Variants in LPP observed in about 807,000 individuals in gnomAD.
LPP encodes the protein lipoma-preferred partner.
LPP carries 38 observed loss-of-function variants against 60.4 expected under a neutral mutation model. The observed-to-expected ratio is 0.63, with a 90% CI of 0.49 to 0.83. The LOEUF is 0.83. LPP is among the 40% of genes least tolerant of loss of function. The pLI is 0.00. For synonymous variants in LPP, 328 were observed against 290.8 expected (o/e 1.13, Z -1.30); for missense variants, 902 against 783.6 (o/e 1.15, Z -1.80).
intron 6 of LPP, among the ~76,000 whole-genome samples, chr3:188,527,282 G>A (rs1201763744): frequency 6.6e-5 from 10 of 150,968 alleles, no homozygotes; most frequent in East Asian, 3.9e-4. Context: ...CCCGGGAGGC[G>A]GAGGTTTCAG....
intron 2 of LPP, among the ~76,000 whole-genome samples, chr3:188,303,082 A>G (rs1383755478): frequency 6.6e-6 from 1 of 152,208 alleles, no homozygotes; most frequent in African/African-American, 2.4e-5. Context: ...GGAAAAATAT[A>G]CTAGAACAAG....
intron 6 of LPP, among the ~76,000 whole-genome samples, chr3:188,545,430 G>A (rs976122998): frequency 6.6e-6 from 1 of 151,884 alleles, no homozygotes; most frequent in Non-Finnish European, 1.5e-5. Flanking sequence ...ATCTCCATCT[G>A]TATCTGTATC....
At chr3:188,683,612 C>A (rs551325794) in intron 7 of LPP, among the ~76,000 whole-genome samples, 14 of 152,040 alleles carry the variant, frequency 9.2e-5, no homozygotes, top group African/African-American at 2.7e-4. Flanking sequence ...GACTGTATAC[C>A]CTGATTATTT....
At chr3:188,755,540 A>G (rs1051468906) in intron 8 of LPP, among the ~76,000 whole-genome samples, 39 of 152,184 alleles carry the variant, frequency 2.6e-4, no homozygotes, top group African/African-American at 9.4e-4. Flanking sequence ...GCAGTGGTTC[A>G]TGACTATAAT....
intron 1 of LPP, among the ~76,000 whole-genome samples, chr3:188,164,182 T>A (rs1278081115): frequency 6.6e-6 from 1 of 152,112 alleles, no homozygotes; most frequent in South Asian, 2.1e-4. Context: ...CAGTTAGACA[T>A]TGAAGGATGG....
intron 6 of LPP, among the ~76,000 whole-genome samples, chr3:188,590,311 G>T (rs1265790136): frequency 6.6e-6 from 1 of 152,124 alleles, no homozygotes; most frequent in African/African-American, 2.4e-5. Flanking sequence ...TGTGGCTCAT[G>T]CCTGTAATCC....
Position 188,884,649 on chromosome 3 carries a change from A to G in LPP, c.*10170A>G, listed in dbSNP as rs1018641506. ...TGGAACTGTCAGGTTCAGAATATCAACCAAGACCATATCATTTAGAATTCA... is the reference window on the plus strand; with the variant it reads ...TGGAACTGTCAGGTTCAGAATATCAGCCAAGACCATATCATTTAGAATTCA... On this transcript the variant is annotated 3_prime_UTR_variant, in exon 12 of 12. Transcript: ENST00000617246. The G allele has an allele frequency of 4.3e-6, 1 of 229,990 alleles. No homozygotes were observed. Among genetic ancestry groups the G allele is most frequent in the Non-Finnish European group, 8.6e-6 (1 of 116,018 alleles). The allele number at this position is 229,990 out of a possible 1,614,324, so 14.2% of individuals were successfully genotyped here.
At position 188,592,303 on chromosome 3, in the gene LPP, G is replaced by A. The variant is rs1049925272; in HGVS notation, c.430-16858G>A. ...AATAAGATACAAAGCCACACATAAA[G>A]AGGGTTCACATTTAAGCACCATCAC... On this transcript the variant is annotated intron_variant, in intron 6 of 11. Transcript: ENST00000617246. Among the ~76,000 whole-genome samples the A allele has an allele frequency of 6.6e-5, 10 of 151,724 alleles. No homozygotes were observed. The East Asian group carries it at 1.9e-3, about 29-fold the overall frequency.
intron 4 of LPP, among the ~76,000 whole-genome samples, chr3:188,411,795 T>G (rs1784945962): frequency 6.6e-6 from 1 of 152,206 alleles, no homozygotes; most frequent in Non-Finnish European, 1.5e-5. Context: ...GTTCTTTTTC[T>G]GTTTTTGGTA....
chr3:188,227,667 C>T (rs1222521850), intron 2 of LPP, among the ~76,000 whole-genome samples: 1 of 152,168 alleles, frequency 6.6e-6, no homozygotes, highest in Non-Finnish European at 1.5e-5. Flanking sequence ...TTTTCTGCAG[C>T]ACTTCTTGCT....
At chr3:188,420,609 G>A (rs982070449) in intron 4 of LPP, among the ~76,000 whole-genome samples, 2 of 152,100 alleles carry the variant, frequency 1.3e-5, no homozygotes, top group Non-Finnish European at 2.9e-5. Flanking sequence ...TAGTCTGCGT[G>A]TATGTCTTTT....
intron 7 of LPP, among the ~76,000 whole-genome samples, chr3:188,691,952 G>T (rs561716967): frequency 6.6e-6 from 1 of 152,052 alleles, no homozygotes; most frequent in Non-Finnish European, 1.5e-5. Flanking sequence ...TCACAGCTAA[G>T]CTTTTATGTA....
rs189373036 is a variant in LPP at position 188,766,107 on chromosome 3, G to C, written c.1410+5825G>C. On this transcript the variant is annotated intron_variant, in intron 9 of 11. Transcript: ENST00000617246. The stretch of plus-strand genomic sequence containing the variant: ...GGCTGGTCTCAAACTCCTGACCTCA[G>C]GTTATCCACTGCCTTGGCCTCCCAA... Among the ~76,000 whole-genome samples, 117 of 151,740 alleles carry C rather than the reference G, an allele frequency of 7.7e-4. No homozygotes were observed. The East Asian group carries it at 0.02, about 26-fold the overall frequency.
chr3:188,500,755 A>G (rs1433014021), intron 5 of LPP, among the ~76,000 whole-genome samples: 1 of 151,866 alleles, frequency 6.6e-6, no homozygotes, highest in Admixed American at 6.6e-5. Context: ...CAGATTTTTT[A>G]TTTGTGGTTT....
chr3:188,541,663 G>C (rs1825217043), intron 6 of LPP, among the ~76,000 whole-genome samples: 1 of 152,084 alleles, frequency 6.6e-6, no homozygotes, highest in Non-Finnish European at 1.5e-5. Flanking sequence ...TTGGGAAGCT[G>C]GGAAGGGCGG....
At chr3:188,654,402 T>C (rs943564551) in intron 7 of LPP, among the ~76,000 whole-genome samples, 1 of 152,202 alleles carries the variant, frequency 6.6e-6, no homozygotes, top group African/African-American at 2.4e-5. Context: ...AAATTGAATC[T>C]GTGTTAAAAT....
At chr3:188,559,107 T>A (rs1030622487) in intron 6 of LPP, among the ~76,000 whole-genome samples, 2 of 152,058 alleles carry the variant, frequency 1.3e-5, no homozygotes, top group Non-Finnish European at 2.9e-5. Flanking sequence ...TCTCCCCAGA[T>A]GTAACATGAG....
At chr3:188,760,619 A>C (rs1042134862) in intron 9 of LPP, among the ~76,000 whole-genome samples, 8 of 152,160 alleles carry the variant, frequency 5.3e-5, no homozygotes, top group African/African-American at 1.9e-4. Context: ...AGCATCAGAA[A>C]GCTTTCCAAG....
intron 11 of LPP, 124 bp downstream of exon 11, chr3:188,872,887 C>T (rs1768511025): frequency 2.3e-6 from 3 of 1,287,388 alleles, no homozygotes; most frequent in Non-Finnish European, 3.2e-6. Flanking sequence ...ACTCATAGGA[C>T]TTGGGTTTTA....
Sources: allele counts gnomAD v4.1 joint callset (sites outside exome capture counted in the v4.1 genomes callset), GRCh38; gene constraint gnomAD v4.1.1; transcripts MANE v1.5; gene names NCBI Gene and HGNC (gene_info 2026-07-23, HGNC 2026-07-21).